The following MYO1F variants were observed in gnomAD, a reference collection of about 807,000 sequenced individuals.
MYO1F encodes the protein myosin IF, also known as unconventional myosin-If.
MYO1F carries 60 observed loss-of-function variants against 146.6 expected under a neutral mutation model. The ratio of observed to expected loss-of-function variants is 0.41; its 90% CI spans 0.33 to 0.51. MYO1F has a LOEUF of 0.51. Among genes scored for constraint, MYO1F ranks in the 20% least tolerant of loss-of-function variants. MYO1F has a pLI of 0.25. For synonymous variants in MYO1F, 602 were observed against 602.1 expected (o/e 1.00, Z 0.00); for missense variants, 1,274 against 1,534.3 (o/e 0.83, Z 2.83).
In MYO1F at chr19:8,536,277, T is replaced by C; in HGVS notation, c.2018A>G (p.Lys673Arg). The change falls in exon 19 of 28, where the codon AAG becomes AGG. Residue 673 changes from lysine to arginine, a missense_variant. Coordinates refer to ENST00000644032, the MANE Select transcript of MYO1F (RefSeq NM_012335.4). The part of the protein sequence containing the change: ...EPDQYQMGST[K>R]VFVKNPESLF... ...CGACTCTGGGTTCTTGACAAAGACC[T>C]TGGTGCTCCCCATCTGGTACTGGTC... is the stretch of plus-strand genomic sequence containing the variant. 6.2e-7 allele frequency: 1 copy of C among 1,607,122 alleles called. No homozygotes were observed. Among genetic ancestry groups the C allele is most frequent in the South Asian group, 1.1e-5 (1 of 91,074 alleles).
At chr19:8,552,698 TTC>T (rs1491488235) in intron 6 of MYO1F, among the ~76,000 whole-genome samples, 2 of 151,560 alleles carry the variant, frequency 1.3e-5, no homozygotes, top group African/African-American at 4.9e-5. Context: ...ATAGATTTTT[TTC>T]CCCCCCAGGC....
intron 1 of MYO1F, among the ~76,000 whole-genome samples, chr19:8,572,915 C>T (rs1203728683): frequency 2.0e-5 from 3 of 152,286 alleles, no homozygotes; most frequent in East Asian, 1.9e-4. Context: ...AGGCTGGTCT[C>T]GAACATCTGG....
At chr19:8,545,210 T>C (rs139182785) in intron 13 of MYO1F, among the ~76,000 whole-genome samples, 14,055 of 151,834 alleles carry the variant, frequency 0.093, 1,786 homozygotes, top group African/African-American at 0.29. Flanking sequence ...ACCTCAGCCT[T>C]CCGGGTAGCT....
Position 8,543,023 on chromosome 19 carries a change from C to A in MYO1F, c.1525-1032G>T, listed in dbSNP as rs1568347671. Among the ~76,000 whole-genome samples the A allele has an allele frequency of 2.0e-5, 3 of 152,200 alleles. 1 individual carries two copies. In the South Asian group the frequency reaches 6.2e-4, roughly 31 times the overall value. ...GATTCAAGTGATTCTCCTGCCTCAG[C>A]CTCCTGAGTAGCTGGGATTACAGGT... On this transcript the variant is annotated intron_variant, in intron 14 of 27. Transcript: ENST00000644032.
chr19:8,543,170 C>T (rs1189806347), intron 14 of MYO1F, among the ~76,000 whole-genome samples: 1 of 152,212 alleles, frequency 6.6e-6, no homozygotes, highest in Non-Finnish European at 1.5e-5. Flanking sequence ...TCCCAAAGTG[C>T]TGGGATTACA....
intron 1 of MYO1F, among the ~76,000 whole-genome samples, chr19:8,561,615 CTCTTTCTTTCT>C (rs1489890584): frequency 1.5e-5 from 2 of 129,572 alleles, no homozygotes; most frequent in East Asian, 2.8e-4. Context: ...TTTTCTTTCT[CTCTTTCTTTCT>C]TCTTTCTTTC....
chr19:8,547,968 G>T lies in MYO1F; in HGVS notation c.1269+68C>A, dbSNP rs1973437806. On this transcript the variant is annotated intron_variant, in intron 12 of 27. Transcript: ENST00000644032. ...CTGGGGTGTCCCCTAGTTGCTAAGG[G>T]ATCCTCATGGTCCTTCCACCCCACC... 1.5e-5 allele frequency: 22 copies of T among 1,493,506 alleles called. No homozygotes were observed. The South Asian group carries it at 2.4e-4, about 16-fold the overall frequency. 92.5% of individuals were successfully genotyped at this position (1,493,506 alleles called of 1,614,324 possible).
chr19:8,532,693 C>G (rs781314430), intron 19 of MYO1F, among the ~76,000 whole-genome samples: 8 of 151,928 alleles, frequency 5.3e-5, no homozygotes, highest in Non-Finnish European at 1.0e-4. Context: ...CAAGACCAGC[C>G]TGGGCAACAT....
At chr19:8,576,753 A>C (rs2042245934) in intron 1 of MYO1F, 1 of 161,418 alleles carries the variant, frequency 6.2e-6, no homozygotes, top group Non-Finnish European at 1.4e-5. Context: ...GGAGGGCGTC[A>C]ATCCACCCCA....
chr19:8,540,353 T>C (rs1362836461), intron 15 of MYO1F: 1 of 192,008 alleles, frequency 5.2e-6, no homozygotes, highest in East Asian at 1.1e-4. Flanking sequence ...ATTTATTTAT[T>C]TATTTCCTTT....
intron 8 of MYO1F, 57 bp from the exon 9 acceptor site, chr19:8,550,751 C>T: frequency 6.2e-7 from 1 of 1,610,876 alleles, no homozygotes; most frequent in Non-Finnish European, 8.5e-7. Context: ...AACCTGCCTC[C>T]AGGGGCAGGC....
chr19:8,550,061 A>G (rs1973537436), intron 10 of MYO1F, 99 bp downstream of exon 10: 2 of 1,391,056 alleles, frequency 1.4e-6, no homozygotes, highest in African/African-American at 1.4e-5. Context: ...CAGCCACCCA[A>G]AGCATTGGGA....
chr19:8,559,423 T>C, intron 1 of MYO1F, among the ~76,000 whole-genome samples: 1 of 151,804 alleles, frequency 6.6e-6, no homozygotes, highest in Non-Finnish European at 1.5e-5. Flanking sequence ...CCATGGGCAT[T>C]AAATAAGCCC....
At chr19:8,523,195 A>C (rs1298181334) in intron 25 of MYO1F, among the ~76,000 whole-genome samples, 3 of 151,596 alleles carry the variant, frequency 2.0e-5, no homozygotes, top group Non-Finnish European at 4.4e-5. Flanking sequence ...CCACGCCTGG[A>C]TAATTTTTTA....
intron 16 of MYO1F, among the ~76,000 whole-genome samples, chr19:8,538,207 C>T (rs1266836503): frequency 6.7e-6 from 1 of 149,914 alleles, no homozygotes; most frequent in Non-Finnish European, 1.5e-5. Flanking sequence ...CTCAGGTGAT[C>T]CACCTGCCTC....
At chr19:8,561,815 CAA>C (rs2145953991) in intron 1 of MYO1F, among the ~76,000 whole-genome samples, 1 of 151,640 alleles carries the variant, frequency 6.6e-6, no homozygotes, top group East Asian at 1.9e-4. Flanking sequence ...CTCCCAGGTT[CAA>C]ACGATTCTTC....
Position 8,543,990 on chromosome 19 carries a change from G to C in MYO1F, c.1524+307C>G, listed in dbSNP as rs77618573. 0.016 allele frequency: 3,773 copies of C among 241,650 alleles called. 141 individuals carry two copies. The highest frequency in any genetic ancestry group is 0.059 in the African/African-American group (1,264 of 21,308). The allele number at this position is 241,650 out of a possible 1,614,324, so 15.0% of individuals were successfully genotyped here. On this transcript the variant is annotated intron_variant, in intron 14 of 27. Coordinates refer to ENST00000644032, the MANE Select transcript of MYO1F (RefSeq NM_012335.4). The stretch of plus-strand genomic sequence containing the variant: ...GGTGGTGCTGGTGCTGGTGCTGGTG[G>C]TGGTGCTGGTGGTGGCGGTGGCGGT...
Position 8,525,529 on chromosome 19 carries a change from G to C in MYO1F, c.2804C>G (p.Pro935Arg). 6 of 1,613,608 alleles carry C rather than the reference G, an allele frequency of 3.7e-6. No homozygotes were observed. The highest frequency in any genetic ancestry group is 5.1e-6 in the Non-Finnish European group (6 of 1,179,978). Reference sequence around the variant, plus strand: ...GGTAGGGGCTTGGGACGACCTCCGAGGTTTTCCCTTGGCCATTCCCTTCCG... The same window carrying C: ...GGTAGGGGCTTGGGACGACCTCCGACGTTTTCCCTTGGCCATTCCCTTCCG... ...PTRKGMAKGK[P>R]RRSSQAPTRA... Residue 935 changes from proline to arginine, a missense_variant, in exon 25 of 28, where the codon CCT (proline) becomes CGT (arginine). Physicochemically the swap from Pro to Arg is moderately radical, Grantham distance 103. Around this residue, in one of 2 missense-constraint regions of MYO1F, gnomAD observed 374 missense variants for 379.2 expected, o/e 0.99. Coordinates refer to ENST00000644032, the MANE Select transcript of MYO1F (RefSeq NM_012335.4).
At chr19:8,538,466 G>A (rs1339011679) in intron 16 of MYO1F, among the ~76,000 whole-genome samples, 1 of 151,500 alleles carries the variant, frequency 6.6e-6, no homozygotes, top group Non-Finnish European at 1.5e-5. Context: ...ATTTTTAGTA[G>A]AGATGGGCTT....
Sources: allele counts gnomAD v4.1 joint callset (sites outside exome capture counted in the v4.1 genomes callset), GRCh38; gene constraint gnomAD v4.1.1; regional missense constraint gnomAD v4.1.1; transcripts MANE v1.5; gene names NCBI Gene and HGNC (gene_info 2026-07-23, HGNC 2026-07-21).